Variants in MCTP1 observed in about 807,000 individuals in gnomAD.
MCTP1 encodes the protein multiple C2 and transmembrane domain-containing protein 1.
MCTP1 carries 69 observed loss-of-function variants against 120.6 expected under a neutral mutation model. The observed-to-expected ratio is 0.57, with a 90% confidence interval of 0.47 to 0.70. The LOEUF (loss-of-function observed/expected upper bound fraction) is 0.70. Ranked by LOEUF, MCTP1 falls within the 30% of genes least tolerant of loss-of-function variation. The probability of loss-of-function intolerance (pLI) is 0.00; values close to 1 mark genes in which losing one functional copy is unlikely to be tolerated. For missense variants in MCTP1, 1,203 were observed against 1,248.8 expected, an observed-to-expected ratio of 0.96 and a Z score of 0.55; for synonymous variants, 529 against 493.1, an observed-to-expected ratio of 1.07 and a Z score of -0.96.
chr5:95,075,302 C>A (rs1167332592), intron 1 of MCTP1, among the ~76,000 whole-genome samples: 1 of 152,210 alleles, frequency 6.6e-6, no homozygotes. Flanking sequence ...AAGTCACTTT[C>A]TCACAGAGGA....
intron 19 of MCTP1, among the ~76,000 whole-genome samples, chr5:94,720,921 G>A (rs1335949660): frequency 6.6e-6 from 1 of 152,124 alleles, no homozygotes; most frequent in Non-Finnish European, 1.5e-5. Flanking sequence ...ATCCTACAAT[G>A]TAGTTATTTT....
chr5:94,777,434 G>A lies in MCTP1; in HGVS notation c.2610+1676C>T, dbSNP rs562219096. ...ATGGCCATAAAACGGGGAGAGATTAGAAGTACAGAATATCAACAAACTGAC... is the reference window on the plus strand; with the variant it reads ...ATGGCCATAAAACGGGGAGAGATTAAAAGTACAGAATATCAACAAACTGAC... On this transcript the variant is annotated intron_variant, in intron 19 of 22. Coordinates refer to ENST00000515393, the MANE Select transcript of MCTP1 (RefSeq NM_024717.7). 3.9e-5 allele frequency among the ~76,000 whole-genome samples: 6 copies of A among 152,230 alleles called. No individual in the cohort carries two copies. The South Asian group carries it at 1.2e-3, about 32-fold the overall frequency.
At position 95,122,677 on chromosome 5, in the gene MCTP1, T is replaced by C. The variant is rs115414863; in HGVS notation, c.721-105193A>G. 5.8e-3 allele frequency among the ~76,000 whole-genome samples: 891 copies of C among 152,328 alleles called. 4 individuals are homozygous for C. The highest frequency in any genetic ancestry group is 0.01 in the Middle Eastern group (3 of 294). ...ACCAAAGAGAAAGGAATTCAGTATA[T>C]TGAAGAGGTATCTGCCTTTCCATGT... On this transcript the variant is annotated intron_variant, in intron 1 of 22. Transcript: ENST00000515393.
chr5:94,747,381 G>A (rs967586908), intron 19 of MCTP1, among the ~76,000 whole-genome samples: 2 of 152,138 alleles, frequency 1.3e-5, no homozygotes, highest in Non-Finnish European at 2.9e-5. Flanking sequence ...TTTTGCAGAT[G>A]AGGAGACAGA....
intron 19 of MCTP1, among the ~76,000 whole-genome samples, chr5:94,764,163 C>T (rs1771994234): frequency 6.6e-6 from 1 of 152,134 alleles, no homozygotes; most frequent in South Asian, 2.1e-4. Flanking sequence ...AAACCTTTTG[C>T]TTGGATGTGG....
chr5:94,938,147 A>G (rs1816661388), intron 5 of MCTP1, among the ~76,000 whole-genome samples: 2 of 151,892 alleles, frequency 1.3e-5, no homozygotes, highest in African/African-American at 4.8e-5. Context: ...TACCCCTTCA[A>G]TATGTTTTCT....
chr5:94,954,181 TGC>T (rs1262291049), intron 2 of MCTP1, among the ~76,000 whole-genome samples: 1 of 80,906 alleles, frequency 1.2e-5, no homozygotes, highest in African/African-American at 5.3e-5. Context: ...TATATATATA[TGC>T]ATATATATAT....
At chr5:94,880,888 T>A (rs964303001) in intron 12 of MCTP1, among the ~76,000 whole-genome samples, 7 of 152,122 alleles carry the variant, frequency 4.6e-5, no homozygotes, top group African/African-American at 1.7e-4. Context: ...TTAGAAAATC[T>A]TAATGAAATG....
At chr5:94,910,582 T>C (rs1478761262) in intron 9 of MCTP1, among the ~76,000 whole-genome samples, 1 of 152,170 alleles carries the variant, frequency 6.6e-6, no homozygotes, top group Non-Finnish European at 1.5e-5. Context: ...TTAAAGTTCA[T>C]AATCTGAAAT....
intron 17 of MCTP1, among the ~76,000 whole-genome samples, chr5:94,832,482 A>G (rs1047636153): frequency 2.0e-5 from 3 of 152,136 alleles, no homozygotes; most frequent in African/African-American, 2.4e-5. Context: ...GTGAACATTT[A>G]TATCTCCCTC....
intron 1 of MCTP1, among the ~76,000 whole-genome samples, chr5:95,251,425 G>A (rs531382783): frequency 2.7e-4 from 41 of 152,136 alleles, no homozygotes; most frequent in Non-Finnish European, 4.7e-4. Flanking sequence ...TCATAGCATG[G>A]TACAGATTTG....
rs71615135 is a variant in MCTP1, at chr5:94,777,927, C to CGTGTGTGTGTGTGTGT, written c.2610+1167_2610+1182dup. 4.7e-3 allele frequency among the ~76,000 whole-genome samples: 694 copies of CGTGTGTGTGTGTGTGT among 148,952 alleles called. 7 individuals carry two copies. Among genetic ancestry groups the CGTGTGTGTGTGTGTGT allele is most frequent in the African/African-American group, 0.015 (616 of 40,240 alleles). On this transcript the variant is annotated intron_variant, in intron 19 of 22. Transcript: ENST00000515393. ...ATAGCGTTAGAAGGGAGAAAGTGTG[C>CGTGTGTGTGTGTGTGT]GTGTGTGTGTGTGTGTGTGTGTGTG...
At chr5:95,124,756 T>C (rs1209229962) in intron 1 of MCTP1, among the ~76,000 whole-genome samples, 1 of 152,246 alleles carries the variant, frequency 6.6e-6, no homozygotes, top group African/African-American at 2.4e-5. Context: ...GGTTTTGTCA[T>C]GGCTAAACCG....
intron 19 of MCTP1, among the ~76,000 whole-genome samples, chr5:94,751,562 T>G (rs1768322789): frequency 1.3e-5 from 2 of 152,042 alleles, no homozygotes; most frequent in African/African-American, 2.4e-5. Context: ...GGAAGCTGAG[T>G]CCTTGCTTCC....
intron 1 of MCTP1, among the ~76,000 whole-genome samples, chr5:95,213,072 T>C (rs1342314430): frequency 6.6e-6 from 1 of 152,180 alleles, no homozygotes; most frequent in Non-Finnish European, 1.5e-5. Flanking sequence ...GGAAGTCAAA[T>C]TGTCCCTGTT....
At chr5:94,834,750 A>G (rs1051897283) in intron 17 of MCTP1, among the ~76,000 whole-genome samples, 1 of 152,056 alleles carries the variant, frequency 6.6e-6, no homozygotes, top group Non-Finnish European at 1.5e-5. Flanking sequence ...ATCTCAGAAC[A>G]AAACTTCATT....
intron 1 of MCTP1, among the ~76,000 whole-genome samples, chr5:95,256,382 C>A (rs949486837): frequency 3.3e-4 from 50 of 152,200 alleles, no homozygotes; most frequent in Non-Finnish European, 6.3e-4. Context: ...CCTCTCCTTA[C>A]CCATCTCAGA....
At position 95,284,267 on chromosome 5, in the gene MCTP1, C is replaced by A. The variant is rs1355648650; in HGVS notation, c.309G>T (p.Ser103=). The part of the protein sequence containing the change: ...SSSQPNLCCS[S]PEPLEPGGAG... ...CGCCGCCGGGCTCCAGGGGCTCCGG[C>A]GACGAGCAGCACAGGTTGGGCTGCG... Residue 103 remains serine, a synonymous_variant, in exon 1 of 23, where the codon TCG becomes TCT. Transcript: ENST00000515393. The surrounding 1 kb of genome is among the most constrained non-coding windows in gnomAD (Gnocchi z 5.2). 1 of 1,591,608 alleles carries A rather than the reference C, an allele frequency of 6.3e-7. No individual in the cohort carries two copies. Among genetic ancestry groups the A allele is most frequent in the Non-Finnish European group, 8.5e-7 (1 of 1,176,308 alleles).
At chr5:95,214,116 T>G (rs13154582) in intron 1 of MCTP1, among the ~76,000 whole-genome samples, 326 of 149,260 alleles carry the variant, frequency 2.2e-3, no homozygotes, top group Non-Finnish European at 3.5e-3. Flanking sequence ...ACCTACTCAT[T>G]TGACAAAGGG....
Sources: allele counts gnomAD v4.1 joint callset (sites outside exome capture counted in the v4.1 genomes callset), GRCh38; gene constraint gnomAD v4.1.1; non-coding constraint Gnocchi (gnomAD v3.1); transcripts MANE v1.5; gene names NCBI Gene and HGNC (gene_info 2026-07-23, HGNC 2026-07-21).